BSPH1: variants seen among roughly 807,000 people sequenced by gnomAD.
BSPH1 encodes binder of sperm 1.
In BSPH1, 21 loss-of-function variants were observed where a neutral mutation model predicts 22.5. The ratio of observed to expected loss-of-function variants is 0.93; its 90% CI spans 0.66 to 1.35. BSPH1 has a LOEUF of 1.35. Ranked by LOEUF, BSPH1 falls within the 40% of genes most tolerant of loss-of-function variation. The probability of loss-of-function intolerance (pLI) is 0.00; values close to 1 mark genes in which losing one functional copy is unlikely to be tolerated. For missense variants in BSPH1, 141 were observed against 154.2 expected (o/e 0.91, Z 0.45); for synonymous variants, 42 against 53.6 (o/e 0.78, Z 0.95).
chr19:47,981,917 G>T, intron 1 of BSPH1: 1 of 161,756 alleles, frequency 6.2e-6, no homozygotes, highest in Non-Finnish European at 1.3e-5. Flanking sequence ...TTTAGGCAAA[G>T]GCTATTTGAT....
intron 3 of BSPH1, among the ~76,000 whole-genome samples, chr19:47,979,242 A>C (rs1301793344): frequency 6.6e-6 from 1 of 151,700 alleles, no homozygotes; most frequent in African/African-American, 2.4e-5. Flanking sequence ...TAGTATGTCT[A>C]CATATCTGAT....
In BSPH1 at chr19:47,976,605, A is replaced by C. The variant is rs904030897; in HGVS notation, c.*2+105T>G. On this transcript the variant is annotated intron_variant, in intron 5 of 5. Transcript: ENST00000344839. ...CAGAAAAAAAAAAAAAACAAAAAAA[A>C]ACCCTCTCTAATGAGAAAGGGTTCT... 5 of 769,062 alleles carry C rather than the reference A, an allele frequency of 6.5e-6. No homozygotes were observed. The African/African-American group carries it at 7.4e-5, about 11-fold the overall frequency. 47.6% of individuals were successfully genotyped at this position (769,062 alleles called of 1,614,324 possible).
At chr19:47,974,502 T>C (rs1406695179) in intron 5 of BSPH1, among the ~76,000 whole-genome samples, 4 of 151,944 alleles carry the variant, frequency 2.6e-5, no homozygotes, top group Non-Finnish European at 2.9e-5. Flanking sequence ...ACTCCTTACC[T>C]CAGGTGATCC....
intron 1 of BSPH1, among the ~76,000 whole-genome samples, chr19:47,988,151 C>T (rs190793641): frequency 1.1e-3 from 161 of 152,182 alleles, no homozygotes; most frequent in African/African-American, 3.7e-3. Context: ...ACAAATATTG[C>T]ACGATTCCAC....
intron 5 of BSPH1, among the ~76,000 whole-genome samples, chr19:47,975,675 A>G (rs1392149979): frequency 2.9e-5 from 2 of 69,826 alleles, no homozygotes; most frequent in East Asian, 8.6e-4. Context: ...TTTTTTTTTG[A>G]GACGGAGTCT....
At chr19:47,989,374 G>C (rs1969501941) in intron 1 of BSPH1, among the ~76,000 whole-genome samples, 1 of 151,916 alleles carries the variant, frequency 6.6e-6, no homozygotes, top group Non-Finnish European at 1.5e-5. Context: ...TTGAACTCCT[G>C]ACCTTGTGAT....
chr19:47,976,591 A>C (rs1489493289), intron 5 of BSPH1, 119 bp downstream of exon 5: 8 of 679,042 alleles, frequency 1.2e-5, no homozygotes, highest in East Asian at 3.0e-5. Flanking sequence ...AGAAAAAAAA[A>C]AAAAACAAAA....
intron 1 of BSPH1, among the ~76,000 whole-genome samples, chr19:47,991,782 C>G (rs115140210): frequency 0.016 from 1,606 of 99,292 alleles, 81 homozygotes; most frequent in African/African-American, 0.057. Flanking sequence ...CCTCCTCCCC[C>G]CTTCTCCCCC....
intron 1 of BSPH1, among the ~76,000 whole-genome samples, chr19:47,987,827 A>G (rs2122265263): frequency 6.6e-6 from 1 of 151,996 alleles, no homozygotes; most frequent in East Asian, 1.9e-4. Context: ...TCTTATCTCT[A>G]CCAAAATTAC....
chr19:47,986,181 T>C (rs1222833144), intron 1 of BSPH1, among the ~76,000 whole-genome samples: 1 of 152,184 alleles, frequency 6.6e-6, no homozygotes, highest in Non-Finnish European at 1.5e-5. Context: ...AAGATTCTTG[T>C]TTGGGTTCAA....
chr19:47,991,895 T>A, intron 1 of BSPH1, 114 bp downstream of exon 1: 5 of 537,680 alleles, frequency 9.3e-6, no homozygotes, highest in Admixed American at 2.5e-5. Flanking sequence ...CCTCTTCCCC[T>A]TCCTCCTCTT....
At chr19:47,972,093 G>A (rs374524639) in intron 5 of BSPH1, among the ~76,000 whole-genome samples, 1 of 152,084 alleles carries the variant, frequency 6.6e-6, no homozygotes, top group African/African-American at 2.4e-5. Flanking sequence ...TAAATACCTG[G>A]GGTTTGCTCT....
At chr19:47,969,568 AG>A (rs1419172815) in intron 5 of BSPH1, among the ~76,000 whole-genome samples, 1 of 152,090 alleles carries the variant, frequency 6.6e-6, no homozygotes, top group Admixed American at 6.6e-5. Flanking sequence ...ATGTAATATA[AG>A]GATATATTAT....
intron 3 of BSPH1, among the ~76,000 whole-genome samples, chr19:47,978,011 T>TATATATATAG (rs1555731516): frequency 1.6e-3 from 164 of 105,074 alleles, no homozygotes; most frequent in African/African-American, 6.2e-3. Flanking sequence ...GATATATATA[T>TATATATATAG]ATATATATAT....
chr19:47,973,753 G>A (rs1375998320), intron 5 of BSPH1, among the ~76,000 whole-genome samples: 3 of 152,148 alleles, frequency 2.0e-5, no homozygotes, highest in East Asian at 1.9e-4. Context: ...TCTTGTTCCC[G>A]CCACTGCTCT....
At chr19:47,974,275 T>C (rs1301095068) in intron 5 of BSPH1, among the ~76,000 whole-genome samples, 3 of 146,730 alleles carry the variant, frequency 2.0e-5, no homozygotes, top group African/African-American at 7.9e-5. Flanking sequence ...CTCTCTTTTT[T>C]TTTTTTTTTT....
chr19:47,990,704 T>C (rs1246826441), intron 1 of BSPH1, among the ~76,000 whole-genome samples: 2 of 152,188 alleles, frequency 1.3e-5, no homozygotes, highest in Non-Finnish European at 2.9e-5. Context: ...CCATAAAAAA[T>C]TGTTTTTGAA....
chr19:47,976,753 T>G lies in BSPH1; in HGVS notation c.358A>C (p.Lys120Gln). Residue 120 changes from lysine (K) to glutamine (Q), a missense_variant, in exon 5 of 6, where the codon AAG (lysine) becomes CAG (glutamine). Coordinates refer to ENST00000344839, the MANE Select transcript of BSPH1 (RefSeq NM_001128326.2). The part of the protein sequence containing the change: ...AFGKKWCSLT[K>Q]NFNKDRIWKY... ...CAAATTCGGTCCTTGTTAAAATTCT[T>G]GGTCAGTGAACACCATTTTTTCCCA... The G allele has an allele frequency of 6.4e-7, 1 of 1,551,882 alleles. No homozygotes were observed. Among genetic ancestry groups the G allele is most frequent in the Non-Finnish European group, 8.7e-7 (1 of 1,146,980 alleles).
At chr19:47,981,491 G>A (rs1237343039) in intron 1 of BSPH1, among the ~76,000 whole-genome samples, 2 of 152,182 alleles carry the variant, frequency 1.3e-5, no homozygotes, top group African/African-American at 4.8e-5. Context: ...AATTTTGTGA[G>A]GCAGGCATTG....
Sources: allele counts gnomAD v4.1 joint callset (sites outside exome capture counted in the v4.1 genomes callset), GRCh38; gene constraint gnomAD v4.1.1; transcripts MANE v1.5; gene names NCBI Gene and HGNC (gene_info 2026-07-23, HGNC 2026-07-21).